LEMD3: variants seen among roughly 807,000 people sequenced by gnomAD.
The protein encoded by LEMD3 is inner nuclear membrane protein Man1.
LEMD3 carries 33 observed loss-of-function variants against 95.2 expected under a neutral mutation model. That is an observed-to-expected ratio of 0.35 (90% CI 0.26 to 0.46). The LOEUF (loss-of-function observed/expected upper bound fraction) is 0.46, where lower values mean the gene tolerates loss of function less well. Ranked by LOEUF, LEMD3 falls within the 20% of genes least tolerant of loss-of-function variation. LEMD3 has a pLI of 1.00. For missense variants in LEMD3, 1,210 were observed against 1,192.8 expected (o/e 1.01, Z -0.21); for synonymous variants, 525 against 474.6 (o/e 1.11, Z -1.38).
chr12:65,219,579 T>C (rs1870219308), intron 4 of LEMD3, among the ~76,000 whole-genome samples: 1 of 152,220 alleles, frequency 6.6e-6, no homozygotes, highest in Non-Finnish European at 1.5e-5. Flanking sequence ...GTAAAAAATA[T>C]ATAACGTGAA....
At position 65,214,400 on chromosome 12, in the gene LEMD3, A is replaced by AAT. The variant is rs571695259; in HGVS notation, c.1561-1565_1561-1564dup. Among the ~76,000 whole-genome samples, 305 of 152,048 alleles carry AAT rather than the reference A, an allele frequency of 2.0e-3. 5 individuals carry two copies. The highest frequency in any genetic ancestry group is 0.017 in the Admixed American group (265 of 15,268). The stretch of plus-strand genomic sequence containing the variant: ...CTGATTAAGATAAAATTGAGGCAAA[A>AAT]ATATATATATATACGTAGGAAGGCA... On this transcript the variant is annotated intron_variant, in intron 2 of 12. Coordinates refer to ENST00000308330, the MANE Select transcript of LEMD3 (RefSeq NM_014319.5).
chr12:65,197,598 C>G (rs1425720450), intron 1 of LEMD3, among the ~76,000 whole-genome samples: 1 of 152,090 alleles, frequency 6.6e-6, no homozygotes, highest in Non-Finnish European at 1.5e-5. Context: ...ACTTAAGTGT[C>G]TCTGTTTCCT....
chr12:65,237,787 A>G (rs1201071728), intron 4 of LEMD3, among the ~76,000 whole-genome samples: 1 of 152,222 alleles, frequency 6.6e-6, no homozygotes. Context: ...CTCAAATCTT[A>G]TAATTGGTAA....
intron 1 of LEMD3, among the ~76,000 whole-genome samples, chr12:65,173,019 G>A (rs1337778079): frequency 6.6e-6 from 1 of 152,162 alleles, no homozygotes; most frequent in Non-Finnish European, 1.5e-5. Context: ...GAAGCAGGTG[G>A]TGGTATCCTC....
At chr12:65,233,068 TTCTA>T (rs1870677481) in intron 4 of LEMD3, among the ~76,000 whole-genome samples, 1 of 152,140 alleles carries the variant, frequency 6.6e-6, no homozygotes, top group Admixed American at 6.5e-5. Context: ...GTGTGGTACT[TTCTA>T]TATGTTAATT....
intron 4 of LEMD3, among the ~76,000 whole-genome samples, chr12:65,221,850 CAT>C (rs1441970424): frequency 6.6e-6 from 1 of 151,220 alleles, no homozygotes; most frequent in Non-Finnish European, 1.5e-5. Flanking sequence ...AAGCGATTCA[CAT>C]GTCTCAGCTT....
At chr12:65,231,576 T>A (rs1042635069) in intron 4 of LEMD3, among the ~76,000 whole-genome samples, 1 of 152,066 alleles carries the variant, frequency 6.6e-6, no homozygotes, top group Non-Finnish European at 1.5e-5. Flanking sequence ...GTAGACCCTC[T>A]GTAGTCCCAG....
At chr12:65,198,660 A>T (rs1057477628) in intron 1 of LEMD3, among the ~76,000 whole-genome samples, 3 of 152,106 alleles carry the variant, frequency 2.0e-5, no homozygotes, top group Non-Finnish European at 4.4e-5. Context: ...AGTCCCTCAT[A>T]TAAAATTGTG....
At chr12:65,178,737 G>T (rs1868808135) in intron 1 of LEMD3, among the ~76,000 whole-genome samples, 1 of 152,124 alleles carries the variant, frequency 6.6e-6, no homozygotes, top group Non-Finnish European at 1.5e-5. Context: ...CTCGCCCAGG[G>T]TCATGTAGCT....
rs143804480 is a variant in LEMD3 at position 65,176,382 on chromosome 12, A to T, written c.1522+5264A>T. Among the ~76,000 whole-genome samples, 34 of 152,282 alleles carry T rather than the reference A, an allele frequency of 2.2e-4. No individual in the cohort carries two copies. The East Asian group carries it at 4.4e-3, about 20-fold the overall frequency. On this transcript the variant is annotated intron_variant, in intron 1 of 12. Transcript: ENST00000308330. Reference sequence around the variant, plus strand: ...GTGCTTTTCTACCTTTGCACAGGTTATCCCCTTTTTTGGGAATGTTTCTTT... The same window carrying T: ...GTGCTTTTCTACCTTTGCACAGGTTTTCCCCTTTTTTGGGAATGTTTCTTT...
intron 1 of LEMD3, among the ~76,000 whole-genome samples, chr12:65,209,192 C>T (rs548215141): frequency 6.6e-6 from 1 of 152,228 alleles, no homozygotes; most frequent in African/African-American, 2.4e-5. Flanking sequence ...CACAGTAGAG[C>T]AGTGTGGTGA....
chr12:65,169,934 C>G lies in LEMD3; in HGVS notation c.338C>G (p.Ser113Cys). The part of the protein sequence containing the change: ...TPGGLCRISA[S>C]GPESLLGGPG... ...GGGGGCCTGTGCCGAATCTCGGCCTCTGGCCCAGAGAGCCTCCTGGGAGGG... is the reference window on the plus strand; with the variant it reads ...GGGGGCCTGTGCCGAATCTCGGCCTGTGGCCCAGAGAGCCTCCTGGGAGGG... The change falls in exon 1 of 13, where the codon TCT becomes TGT. Residue 113 changes from serine to cysteine, a missense_variant. By Grantham distance (112) the Ser-to-Cys change is moderately radical. Transcript: ENST00000308330. The G allele has an allele frequency of 6.9e-7, 1 of 1,450,176 alleles. No individual in the cohort carries two copies. The highest frequency in any genetic ancestry group is 9.0e-7 in the Non-Finnish European group (1 of 1,107,632). 89.8% of individuals were successfully genotyped at this position (1,450,176 alleles called of 1,614,324 possible).
chr12:65,201,730 C>A (rs1437084231), intron 1 of LEMD3, among the ~76,000 whole-genome samples: 2 of 152,014 alleles, frequency 1.3e-5, no homozygotes, highest in African/African-American at 4.8e-5. Context: ...TATCTGTGAA[C>A]AAAGTTTTAT....
intron 1 of LEMD3, among the ~76,000 whole-genome samples, chr12:65,194,203 C>G (rs1321965080): frequency 1.3e-5 from 2 of 152,100 alleles, no homozygotes; most frequent in Admixed American, 6.6e-5. Context: ...CACAGTTGGC[C>G]TTGTACATAC....
intron 2 of LEMD3, among the ~76,000 whole-genome samples, chr12:65,215,062 A>G (rs1429569391): frequency 6.6e-6 from 1 of 152,212 alleles, no homozygotes; most frequent in East Asian, 1.9e-4. Context: ...AATTTTCAGA[A>G]TGAAGTCAAA....
At chr12:65,195,857 A>G (rs764249849) in intron 1 of LEMD3, among the ~76,000 whole-genome samples, 4 of 152,152 alleles carry the variant, frequency 2.6e-5, no homozygotes, top group Admixed American at 1.3e-4. Flanking sequence ...TTCCCTTACA[A>G]AACAGTCTAA....
intron 4 of LEMD3, among the ~76,000 whole-genome samples, chr12:65,228,397 TA>T (rs1327991260): frequency 1.6e-4 from 24 of 150,418 alleles, no homozygotes; most frequent in African/African-American, 2.9e-4. Context: ...TTTATTTATT[TA>T]TTTATTTTTT....
At chr12:65,234,946 C>T (rs1030406706) in intron 4 of LEMD3, among the ~76,000 whole-genome samples, 3 of 152,038 alleles carry the variant, frequency 2.0e-5, no homozygotes, top group Non-Finnish European at 4.4e-5. Context: ...TGTTTATAGT[C>T]TGGTCTTCAA....
At chr12:65,239,791 A>T in intron 6 of LEMD3, 138 bp from the exon 7 acceptor site, 1 of 610,238 alleles carries the variant, frequency 1.6e-6, no homozygotes, top group Admixed American at 3.0e-5. Flanking sequence ...AAATTTTTTT[A>T]TGTAGTTTTA....
Sources: allele counts gnomAD v4.1 joint callset (sites outside exome capture counted in the v4.1 genomes callset), GRCh38; gene constraint gnomAD v4.1.1; transcripts MANE v1.5; gene names NCBI Gene and HGNC (gene_info 2026-07-23, HGNC 2026-07-21).